PTPRA: variants seen among roughly 807,000 people sequenced by gnomAD.
The protein encoded by PTPRA is receptor-type tyrosine-protein phosphatase alpha.
PTPRA carries 25 observed loss-of-function variants against 104.8 expected under a neutral mutation model. The observed-to-expected ratio is 0.24, with a 90% CI of 0.17 to 0.33. The LOEUF (loss-of-function observed/expected upper bound fraction) is 0.33. Among genes scored for constraint, PTPRA ranks in the 10% least tolerant of loss-of-function variants. The pLI, the probability that PTPRA is intolerant of heterozygous loss-of-function variation, is 1.00. For synonymous variants in PTPRA, 323 were observed against 368.9 expected (o/e 0.88, Z 1.43); for missense variants, 765 against 1,015.3 (o/e 0.75, Z 3.35).
intron 2 of PTPRA, among the ~76,000 whole-genome samples, chr20:2,946,515 A>T (rs1600153384): frequency 2.0e-5 from 3 of 152,242 alleles, no homozygotes. Context: ...ATTACAGAAG[A>T]AAAGATGGGA....
At chr20:2,991,124 C>G (rs2148175524) in intron 9 of PTPRA, among the ~76,000 whole-genome samples, 1 of 152,252 alleles carries the variant, frequency 6.6e-6, no homozygotes, top group South Asian at 2.1e-4. Context: ...GAGGCCAAGC[C>G]AGGCAGATCA....
intron 1 of PTPRA, among the ~76,000 whole-genome samples, chr20:2,899,063 A>G (rs1385441654): frequency 6.6e-6 from 1 of 152,042 alleles, no homozygotes; most frequent in South Asian, 2.1e-4. Context: ...TTTAAAATGT[A>G]CCAGGTAATC....
At chr20:2,906,105 A>G (rs1477936386) in intron 1 of PTPRA, among the ~76,000 whole-genome samples, 1 of 152,206 alleles carries the variant, frequency 6.6e-6, no homozygotes, top group Non-Finnish European at 1.5e-5. Flanking sequence ...TGGGTTATGG[A>G]TATGATATAT....
chr20:2,957,051 T>C (rs543289817), intron 3 of PTPRA, among the ~76,000 whole-genome samples: 10 of 152,292 alleles, frequency 6.6e-5, no homozygotes, highest in African/African-American at 2.4e-4. Context: ...TTTGGGAGGC[T>C]GAGGCGGGCA....
At chr20:2,980,060 G>A (rs1272448356) in intron 6 of PTPRA, among the ~76,000 whole-genome samples, 1 of 151,976 alleles carries the variant, frequency 6.6e-6, no homozygotes, top group Non-Finnish European at 1.5e-5. Context: ...TTACAGGCAT[G>A]TGCCACCACA....
chr20:2,923,692 G>A (rs376163855), intron 2 of PTPRA, among the ~76,000 whole-genome samples: 8 of 151,878 alleles, frequency 5.3e-5, no homozygotes, highest in East Asian at 1.9e-4. Flanking sequence ...CCAGCTACTC[G>A]GGAGGCTGAA....
At chr20:2,865,823 G>A in the PTPRA span, 1 of 467,680 alleles carries the variant, frequency 2.1e-6, no homozygotes, top group Non-Finnish European at 3.9e-6. The surrounding 1 kb of genome is among the most constrained non-coding windows in gnomAD (Gnocchi z 5.2). Flanking sequence ...CATATGGGAG[G>A]CAGTGGAGAT....
intron 1 of PTPRA, among the ~76,000 whole-genome samples, chr20:2,912,651 A>T (rs1239379445): frequency 1.3e-5 from 2 of 152,118 alleles, no homozygotes; most frequent in Non-Finnish European, 2.9e-5. Context: ...AAAAACCCTA[A>T]TGTTTTATGA....
intron 16 of PTPRA, among the ~76,000 whole-genome samples, chr20:3,023,445 G>A (rs1044741739): frequency 3.3e-5 from 5 of 152,212 alleles, no homozygotes; most frequent in African/African-American, 9.7e-5. Flanking sequence ...TGTAAAACCC[G>A]ATCGTACATT....
chr20:2,971,262 A>G (rs1180895335), intron 5 of PTPRA, among the ~76,000 whole-genome samples: 2 of 152,184 alleles, frequency 1.3e-5, no homozygotes, highest in African/African-American at 4.8e-5. Context: ...CATCTTACAG[A>G]TGTTGAGTCT....
At chr20:2,927,371 T>G (rs961136182) in intron 2 of PTPRA, among the ~76,000 whole-genome samples, 1 of 152,256 alleles carries the variant, frequency 6.6e-6, no homozygotes, top group Non-Finnish European at 1.5e-5. Context: ...TATCAGTTGC[T>G]TCCAATCATG....
intron 1 of PTPRA, among the ~76,000 whole-genome samples, chr20:2,896,840 A>G (rs2059019159): frequency 1.3e-5 from 2 of 152,208 alleles, no homozygotes. Context: ...TTCAGGGACC[A>G]TTCAGGATTA....
At position 2,969,263 on chromosome 20, in the gene PTPRA, T is replaced by C. The variant is rs949033662; in HGVS notation, c.415+4061T>C. The stretch of plus-strand genomic sequence containing the variant: ...AAAAGGTAGAATACCTTTTTTTTTT[T>C]CTTTGAGACAGTCTCACCCTGTCGC... On this transcript the variant is annotated intron_variant, in intron 5 of 23. Transcript: ENST00000399903. Among the ~76,000 whole-genome samples, 141 of 138,316 alleles carry C rather than the reference T, an allele frequency of 1.0e-3. 2 individuals are homozygous for C. The highest frequency in any genetic ancestry group is 3.1e-3 in the South Asian group (13 of 4,256). 90.7% of individuals were successfully genotyped at this position (138,316 alleles called of 152,430 possible). A position where few individuals can be genotyped will look rare whatever the true frequency, so the allele number is the denominator to read the frequency against.
intron 1 of PTPRA, among the ~76,000 whole-genome samples, chr20:2,918,900 G>A (rs2060004106): frequency 1.3e-5 from 2 of 152,042 alleles, no homozygotes; most frequent in Admixed American, 1.3e-4. Context: ...TAACTACTCT[G>A]TACCATAGTT....
At chr20:2,975,158 A>G in intron 5 of PTPRA, 57 bp from the exon 6 acceptor site, 1 of 1,431,258 alleles carries the variant, frequency 7.0e-7, no homozygotes. Context: ...CTCTAATTGA[A>G]TTGTAATGTG....
At chr20:2,864,457 C>G in the PTPRA span, 1 of 1,614,102 alleles carries the variant, frequency 6.2e-7, no homozygotes, top group East Asian at 2.2e-5. This position sits in a 1 kb window ranked among gnomAD's most constrained non-coding sequence, Gnocchi z 5.2. Flanking sequence ...CAGTTTGTAC[C>G]GACAGGTGTG....
At chr20:3,026,475 G>C (rs1048903135) in intron 17 of PTPRA, among the ~76,000 whole-genome samples, 1 of 152,164 alleles carries the variant, frequency 6.6e-6, no homozygotes, top group African/African-American at 2.4e-5. Context: ...AGAATCTCAA[G>C]AGAGTCCACA....
At chr20:3,019,333 C>T (rs1249718744) in intron 13 of PTPRA, among the ~76,000 whole-genome samples, 7 of 150,664 alleles carry the variant, frequency 4.6e-5, no homozygotes, top group African/African-American at 1.2e-4. Flanking sequence ...GGCTGCTGGG[C>T]GGAGGGGCTC....
chr20:2,962,907 A>T (rs1433699722), intron 3 of PTPRA, among the ~76,000 whole-genome samples: 5 of 152,050 alleles, frequency 3.3e-5, no homozygotes, highest in Non-Finnish European at 7.4e-5. Flanking sequence ...GTGTCCCTTA[A>T]GGATGTGTGT....
Sources: allele counts gnomAD v4.1 joint callset (sites outside exome capture counted in the v4.1 genomes callset), GRCh38; gene constraint gnomAD v4.1.1; non-coding constraint Gnocchi (gnomAD v3.1); transcripts MANE v1.5; gene names NCBI Gene and HGNC (gene_info 2026-07-23, HGNC 2026-07-21).